The following SPOCK3 variants were observed in gnomAD, a reference collection of about 807,000 sequenced individuals.
SPOCK3 encodes SPARC (osteonectin), cwcv and kazal like domains proteoglycan 3.
Under a neutral mutation model 56.6 loss-of-function variants are expected in SPOCK3, and 30 were observed. That is an observed-to-expected ratio of 0.53 (90% CI 0.40 to 0.72). SPOCK3 has a LOEUF of 0.72. Among genes scored for constraint, SPOCK3 ranks in the 30% least tolerant of loss-of-function variants. The probability of loss-of-function intolerance (pLI) is 0.00; values close to 1 mark genes in which losing one functional copy is unlikely to be tolerated. For synonymous variants in SPOCK3, 196 were observed against 183.3 expected (o/e 1.07, Z -0.56); for missense variants, 527 against 530.0 (o/e 0.99, Z 0.06).
chr4:166,823,624 G>A (rs1198967508), intron 6 of SPOCK3, among the ~76,000 whole-genome samples: 1 of 152,078 alleles, frequency 6.6e-6, no homozygotes, highest in Non-Finnish European at 1.5e-5. Flanking sequence ...CTAGAGAGAA[G>A]AATGAATTCT....
At chr4:167,089,671 C>A (rs1018618376) in intron 2 of SPOCK3, among the ~76,000 whole-genome samples, 2 of 152,040 alleles carry the variant, frequency 1.3e-5, no homozygotes, top group African/African-American at 4.8e-5. Context: ...TGTCATATTT[C>A]TCCCTTTAGA....
intron 6 of SPOCK3, among the ~76,000 whole-genome samples, chr4:166,819,747 T>TC (rs1011701364): frequency 1.3e-5 from 2 of 151,626 alleles, no homozygotes; most frequent in Non-Finnish European, 2.9e-5. Flanking sequence ...ATTGGAAGAC[T>TC]CTTTTTTTTT....
intron 7 of SPOCK3, among the ~76,000 whole-genome samples, chr4:166,767,788 G>T (rs1415655005): frequency 2.0e-5 from 3 of 152,122 alleles, no homozygotes. Context: ...TGACAGTAGG[G>T]TGTTAAAGTC....
chr4:166,748,541 A>C lies in SPOCK3; in HGVS notation c.931+5967T>G, dbSNP rs1315625861. 2.2e-5 allele frequency among the ~76,000 whole-genome samples: 3 copies of C among 136,898 alleles called. 1 individual carries two copies. The highest frequency in any genetic ancestry group is 4.6e-5 in the Non-Finnish European group (3 of 64,568). The allele number at this position is 136,898 out of a possible 152,430, so 89.8% of individuals were successfully genotyped here. On this transcript the variant is annotated intron_variant, in intron 8 of 10. Transcript: ENST00000357545. ...CTAAAGCCATAAAAACCCTAGAAGA[A>C]AACCTAGGCAATACCATTCAGGACA...
At chr4:166,841,058 G>A (rs1047071951) in intron 6 of SPOCK3, among the ~76,000 whole-genome samples, 7 of 152,040 alleles carry the variant, frequency 4.6e-5, no homozygotes, top group South Asian at 2.1e-4. Context: ...GATTACAGGC[G>A]TAAGCCCCCA....
At chr4:166,903,057 T>G (rs9991390) in intron 5 of SPOCK3, among the ~76,000 whole-genome samples, 11,472 of 148,748 alleles carry the variant, frequency 0.077, 520 homozygotes, top group Middle Eastern at 0.1. Context: ...TATTAGTTTA[T>G]TTGTATTGTA....
intron 2 of SPOCK3, among the ~76,000 whole-genome samples, chr4:167,214,698 T>C (rs1236008262): frequency 6.6e-6 from 1 of 152,160 alleles, no homozygotes; most frequent in Non-Finnish European, 1.5e-5. Context: ...GGGTGAATCT[T>C]AGAATGAATC....
intron 4 of SPOCK3, among the ~76,000 whole-genome samples, chr4:166,972,411 G>T (rs980576551): frequency 6.6e-6 from 1 of 152,076 alleles, no homozygotes; most frequent in Admixed American, 6.6e-5. Context: ...AGCCTCAGCA[G>T]ACTGTCTCAA....
intron 6 of SPOCK3, among the ~76,000 whole-genome samples, chr4:166,874,692 T>C (rs1026648332): frequency 1.3e-5 from 2 of 152,104 alleles, no homozygotes; most frequent in African/African-American, 4.8e-5. Context: ...GACACTTGGG[T>C]TTTAAATAGA....
At chr4:167,105,919 T>C (rs1310378561) in intron 2 of SPOCK3, among the ~76,000 whole-genome samples, 1 of 151,990 alleles carries the variant, frequency 6.6e-6, no homozygotes, top group Non-Finnish European at 1.5e-5. Context: ...AAGTGGTCAA[T>C]TCAGCAAGAG....
chr4:167,041,672 G>A (rs939222898), intron 3 of SPOCK3, among the ~76,000 whole-genome samples: 3 of 152,052 alleles, frequency 2.0e-5, no homozygotes, highest in Non-Finnish European at 2.9e-5. Context: ...AGTGAAACTC[G>A]GCTTTGCTAT....
At chr4:166,941,384 A>T (rs1741051380) in intron 4 of SPOCK3, among the ~76,000 whole-genome samples, 1 of 152,206 alleles carries the variant, frequency 6.6e-6, no homozygotes, top group Non-Finnish European at 1.5e-5. Flanking sequence ...ATTAGAAGAG[A>T]GTTTATCTCA....
intron 6 of SPOCK3, among the ~76,000 whole-genome samples, chr4:166,822,234 C>T (rs913101693): frequency 6.6e-6 from 1 of 151,980 alleles, no homozygotes; most frequent in African/African-American, 2.4e-5. Context: ...GCTTAATGCT[C>T]TGCCTTCTTA....
chr4:166,949,746 C>G (rs375046438), intron 4 of SPOCK3, among the ~76,000 whole-genome samples: 3 of 151,870 alleles, frequency 2.0e-5, no homozygotes, highest in Non-Finnish European at 4.4e-5. Context: ...GTCAGTCTGC[C>G]CACTACAAGC....
chr4:166,765,891 G>A (rs1024494051), intron 7 of SPOCK3, among the ~76,000 whole-genome samples: 2 of 152,182 alleles, frequency 1.3e-5, no homozygotes, highest in African/African-American at 4.8e-5. Flanking sequence ...TCTCCTTGAA[G>A]AGGTCCTTCA....
intron 6 of SPOCK3, among the ~76,000 whole-genome samples, chr4:166,833,312 A>C (rs1187505421): frequency 1.3e-5 from 2 of 152,082 alleles, no homozygotes; most frequent in Non-Finnish European, 2.9e-5. Context: ...AAGAGTGTGT[A>C]TTTTGCTCTT....
At position 166,915,325 on chromosome 4, in the gene SPOCK3, T is replaced by TA. The variant is rs549601863; in HGVS notation, c.351-2583dup. ...CATGTATCCCAGGACTTAAAATAATTAAAAAAAAATGTTTCTTATGATTCA... is the reference window on the plus strand; with the variant it reads ...CATGTATCCCAGGACTTAAAATAATTAAAAAAAAAATGTTTCTTATGATTCA... On this transcript the variant is annotated intron_variant, in intron 4 of 10. Coordinates refer to ENST00000357545, the MANE Select transcript of SPOCK3 (RefSeq NM_001040159.2). Among the ~76,000 whole-genome samples the TA allele has an allele frequency of 5.4e-3, 822 of 151,436 alleles. 1 individual carries two copies. Among genetic ancestry groups the TA allele is most frequent in the Non-Finnish European group, 9.4e-3 (635 of 67,806 alleles).
rs550215918 is a variant in SPOCK3 at position 166,991,934 on chromosome 4, G to A, written c.350+8415C>T. Among the ~76,000 whole-genome samples, 73 of 152,194 alleles carry A rather than the reference G, an allele frequency of 4.8e-4. 1 individual carries two copies. Among genetic ancestry groups the A allele is most frequent in the Non-Finnish European group, 5.9e-5 (4 of 67,998 alleles). On this transcript the variant is annotated intron_variant, in intron 4 of 10. Coordinates refer to ENST00000357545, the MANE Select transcript of SPOCK3 (RefSeq NM_001040159.2). Reference sequence around the variant, plus strand: ...TGTATATAAAGATACATGCTGAAGCGTGTTGTACAAAGCATGATAATAAGA... The same window carrying A: ...TGTATATAAAGATACATGCTGAAGCATGTTGTACAAAGCATGATAATAAGA...
intron 6 of SPOCK3, among the ~76,000 whole-genome samples, chr4:166,830,727 T>C (rs1745946100): frequency 6.6e-6 from 1 of 152,002 alleles, no homozygotes; most frequent in South Asian, 2.1e-4. Context: ...AGTAAGACTT[T>C]GTCTCCCTCC....
Sources: allele counts gnomAD v4.1 joint callset (sites outside exome capture counted in the v4.1 genomes callset), GRCh38; gene constraint gnomAD v4.1.1; transcripts MANE v1.5; gene names NCBI Gene and HGNC (gene_info 2026-07-23, HGNC 2026-07-21).